ITSN1: variants seen among roughly 807,000 people sequenced by gnomAD.
ITSN1 encodes the protein intersectin 1.
A neutral mutation model predicts 239.8 loss-of-function variants in ITSN1; 58 were observed. The observed-to-expected ratio is 0.24, with a 90% CI of 0.20 to 0.30. ITSN1 has a LOEUF of 0.30. ITSN1 is among the 10% of genes least tolerant of loss of function. ITSN1 has a pLI of 1.00. For synonymous variants in ITSN1, 780 were observed against 770.8 expected (o/e 1.01, Z -0.20); for missense variants, 1,558 against 2,103.3 (o/e 0.74, Z 5.07).
intron 26 of ITSN1, 85 bp downstream of exon 26, chr21:33,826,948 A>G (rs2074006312): frequency 9.3e-7 from 1 of 1,081,004 alleles, no homozygotes; most frequent in Non-Finnish European, 1.4e-6. Flanking sequence ...TAGGGCCAGA[A>G]GCCTAAAATA....
chr21:33,717,729 TTG>T (rs397952129), intron 1 of ITSN1, among the ~76,000 whole-genome samples: 5 of 151,538 alleles, frequency 3.3e-5, no homozygotes, highest in Admixed American at 2.0e-4. Flanking sequence ...CTAATTTTTT[TTG>T]TGTGTGTGTG....
At chr21:33,803,870 G>A (rs964074288) in intron 20 of ITSN1, among the ~76,000 whole-genome samples, 3 of 152,142 alleles carry the variant, frequency 2.0e-5, no homozygotes, top group Non-Finnish European at 4.4e-5. Flanking sequence ...GGCATAATTC[G>A]TTGGCTTGCA....
At position 33,799,799 on chromosome 21, in the gene ITSN1, T is replaced by G; in HGVS notation, c.2183-9T>G. 6.2e-7 allele frequency: 1 copy of G among 1,612,876 alleles called. No homozygotes were observed. The highest frequency in any genetic ancestry group is 8.5e-7 in the Non-Finnish European group (1 of 1,179,626). ...TATTTTTGTCCCCCCCACCTTTTTTTGTAAACAGAAAAAGGTCCACTTACC... is the reference window on the plus strand; with the variant it reads ...TATTTTTGTCCCCCCCACCTTTTTTGGTAAACAGAAAAAGGTCCACTTACC... On this transcript the variant is annotated splice_polypyrimidine_tract_variant and intron_variant, in intron 18 of 39. Coordinates refer to ENST00000381318, the MANE Select transcript of ITSN1 (RefSeq NM_003024.3).
chr21:33,652,128 G>T (rs1447848371), intron 1 of ITSN1, among the ~76,000 whole-genome samples: 2 of 151,394 alleles, frequency 1.3e-5, no homozygotes, highest in Non-Finnish European at 2.9e-5. Context: ...TACCCAGCAG[G>T]TGCCTGGTGT....
intron 1 of ITSN1, among the ~76,000 whole-genome samples, chr21:33,664,792 G>A (rs2089815768): frequency 6.6e-6 from 1 of 152,146 alleles, no homozygotes; most frequent in African/African-American, 2.4e-5. Flanking sequence ...TATAATTTAA[G>A]ATACGAATGA....
chr21:33,682,417 G>A (rs1325325474), intron 1 of ITSN1, among the ~76,000 whole-genome samples: 2 of 151,846 alleles, frequency 1.3e-5, no homozygotes, highest in Non-Finnish European at 2.9e-5. Flanking sequence ...GTTTCTCCAT[G>A]TTGGTCAGGC....
intron 4 of ITSN1, among the ~76,000 whole-genome samples, chr21:33,730,961 G>C (rs984350303): frequency 9.9e-5 from 15 of 152,130 alleles, no homozygotes; most frequent in Non-Finnish European, 2.2e-4. Flanking sequence ...CTCCCAAAGT[G>C]CTGGGATTAG....
At chr21:33,781,593 T>G (rs1228617454) in intron 15 of ITSN1, 45 bp downstream of exon 15, 1 of 1,124,422 alleles carries the variant, frequency 8.9e-7, no homozygotes, top group African/African-American at 1.6e-5. Context: ...TATTCTTTCT[T>G]TTTTTGACAT....
chr21:33,703,794 C>T (rs1263605509), intron 1 of ITSN1, among the ~76,000 whole-genome samples: 1 of 152,084 alleles, frequency 6.6e-6, no homozygotes, highest in Non-Finnish European at 1.5e-5. Context: ...TGTAAGCAAT[C>T]ATGATGTAGG....
chr21:33,739,444 G>T (rs1017189789), intron 5 of ITSN1, among the ~76,000 whole-genome samples: 13 of 152,134 alleles, frequency 8.5e-5, no homozygotes, highest in African/African-American at 3.1e-4. Context: ...TGTCCTAGTT[G>T]CTGGGAACAT....
At position 33,826,820 on chromosome 21, in the gene ITSN1, C is replaced by T. The variant is rs1225114488; in HGVS notation, c.3186C>T (p.Gly1062=). The T allele has an allele frequency of 6.2e-7, 1 of 1,613,600 alleles. No homozygotes were observed. The highest frequency in any genetic ancestry group is 2.2e-5 in the East Asian group (1 of 44,874). The change falls in exon 26 of 40, where the codon GGC becomes GGT. Residue 1062 remains glycine, a splice_region_variant and synonymous_variant. Coordinates refer to ENST00000381318, the MANE Select transcript of ITSN1 (RefSeq NM_003024.3). The stretch of plus-strand genomic sequence containing the variant: ...GAGACCTTTTGCTCTGTTTTAAGGG[C>T]TCTGGAACTGCTGGGAAAACAGGGA... ...SNYVRLKDSE[G]SGTAGKTGSL...
rs149240528 is a variant in ITSN1 at position 33,824,632 on chromosome 21, C to T, written c.3183+979C>T. On this transcript the variant is annotated intron_variant, in intron 25 of 39. Transcript: ENST00000381318. ...AGTGTATACTGGGCTCTTACATGTG[C>T]GGCTCCGTGTACTCGGAGCTGCTCT... Among the ~76,000 whole-genome samples the T allele has an allele frequency of 1.1e-4, 16 of 152,248 alleles. No homozygotes were observed. The East Asian group carries it at 2.9e-3, about 28-fold the overall frequency.
At chr21:33,717,788 C>T (rs903739308) in intron 1 of ITSN1, among the ~76,000 whole-genome samples, 2 of 151,902 alleles carry the variant, frequency 1.3e-5, no homozygotes, top group Admixed American at 6.6e-5. Context: ...AGGATGGTCT[C>T]GATCTCCTGA....
chr21:33,721,741 C>T (rs1239348339), intron 3 of ITSN1, among the ~76,000 whole-genome samples: 1 of 149,200 alleles, frequency 6.7e-6, no homozygotes, highest in Non-Finnish European at 1.5e-5. Context: ...TTGCAGTGAG[C>T]CGAGATCACG....
chr21:33,867,491 G>A (rs1438396714), intron 33 of ITSN1, among the ~76,000 whole-genome samples, 160 bp downstream of exon 33: 3 of 152,014 alleles, frequency 2.0e-5, no homozygotes. Context: ...AACTCAGAAA[G>A]AAAAGCTGGT....
chr21:33,660,143 C>G (rs2089441120), intron 1 of ITSN1, among the ~76,000 whole-genome samples: 1 of 152,168 alleles, frequency 6.6e-6, no homozygotes, highest in South Asian at 2.1e-4. Context: ...CACTTTACTA[C>G]TTTGCTCTTA....
intron 16 of ITSN1, among the ~76,000 whole-genome samples, chr21:33,783,788 C>T (rs149840492): frequency 6.6e-6 from 1 of 151,950 alleles, no homozygotes; most frequent in East Asian, 1.9e-4. Context: ...TCTTCTGAAC[C>T]CAGGCAGTAG....
At chr21:33,664,237 T>C (rs1001857478) in intron 1 of ITSN1, among the ~76,000 whole-genome samples, 2 of 152,156 alleles carry the variant, frequency 1.3e-5, no homozygotes, top group Non-Finnish European at 2.9e-5. Context: ...TTTCACTCAG[T>C]GTGGACTCCT....
intron 25 of ITSN1, among the ~76,000 whole-genome samples, chr21:33,824,897 A>G (rs1022964177): frequency 1.3e-5 from 2 of 152,218 alleles, no homozygotes; most frequent in Non-Finnish European, 2.9e-5. Context: ...GGAAGAAAGT[A>G]ATTTTGCCCT....
Sources: allele counts gnomAD v4.1 joint callset (sites outside exome capture counted in the v4.1 genomes callset), GRCh38; gene constraint gnomAD v4.1.1; transcripts MANE v1.5; gene names NCBI Gene and HGNC (gene_info 2026-07-23, HGNC 2026-07-21).